SLC25A26: variants seen among roughly 807,000 people sequenced by gnomAD.
The protein encoded by SLC25A26 is solute carrier family 25 member 26.
SLC25A26 carries 36 observed loss-of-function variants against 37.8 expected under a neutral mutation model. That is an observed-to-expected ratio of 0.95 (90% confidence interval 0.73 to 1.26). SLC25A26 has a LOEUF of 1.26. Among genes scored for constraint, SLC25A26 ranks in the 50% most tolerant of loss-of-function variants. The probability of loss-of-function intolerance (pLI) is 0.00; values close to 1 mark genes in which losing one functional copy is unlikely to be tolerated. For missense variants in SLC25A26, 390 were observed against 331.1 expected (o/e 1.18, Z -1.38); for synonymous variants, 129 against 122.5 (o/e 1.05, Z -0.35).
intron 1 of SLC25A26, among the ~76,000 whole-genome samples, chr3:66,153,895 T>C (rs568834919): frequency 2.0e-5 from 3 of 152,316 alleles, no homozygotes; most frequent in African/African-American, 4.8e-5. Context: ...GGGGGTTTTA[T>C]TGACATTCGT....
In SLC25A26 at chr3:66,378,329, C is replaced by CTCTT. The variant is rs1700802668; in HGVS notation, c.*526_*529dup. 1 of 152,844 alleles carries CTCTT rather than the reference C, an allele frequency of 6.5e-6. No individual in the cohort carries two copies. The allele number at this position is 152,844 out of a possible 1,614,324, so 9.5% of individuals were successfully genotyped here. On this transcript the variant is annotated 3_prime_UTR_variant, in exon 10 of 10. Transcript: ENST00000354883. ...TTGAACTACAGGTGCATAGCAAGCA[C>CTCTT]TCTTTCTGGGTAACTAGGCTGCTGG...
At chr3:66,292,202 T>C (rs925116522) in intron 5 of SLC25A26, among the ~76,000 whole-genome samples, 5 of 152,174 alleles carry the variant, frequency 3.3e-5, no homozygotes, top group African/African-American at 1.2e-4. Flanking sequence ...TCTTTGCACA[T>C]GAGATGGGCC....
chr3:66,207,986 A>C (rs1254640114), intron 1 of SLC25A26, among the ~76,000 whole-genome samples: 2 of 152,216 alleles, frequency 1.3e-5, no homozygotes, highest in African/African-American at 4.8e-5. Context: ...GCACTTATGC[A>C]AGCACAGTGT....
chr3:66,162,061 CT>C (rs1269937498), intron 1 of SLC25A26, among the ~76,000 whole-genome samples: 2 of 152,146 alleles, frequency 1.3e-5, no homozygotes, highest in East Asian at 3.9e-4. Context: ...GTTCTGGAGC[CT>C]AGAAGTCGGA....
chr3:66,178,560 T>A (rs2070634147), intron 1 of SLC25A26, among the ~76,000 whole-genome samples: 3 of 152,162 alleles, frequency 2.0e-5, no homozygotes, highest in Admixed American at 2.0e-4. Flanking sequence ...TCACTCTTAC[T>A]TTCTGGGTTC....
At chr3:66,275,884 T>G (rs74559441) in intron 5 of SLC25A26, among the ~76,000 whole-genome samples, 5,516 of 152,182 alleles carry the variant, frequency 0.036, 345 homozygotes, top group African/African-American at 0.12. Flanking sequence ...GTGCGAATTA[T>G]CTCCAGTGAA....
chr3:66,294,474 T>C (rs77221569), intron 5 of SLC25A26, among the ~76,000 whole-genome samples: 1,716 of 152,300 alleles, frequency 0.011, 38 homozygotes, highest in African/African-American at 0.039. Context: ...GTTTTTAACA[T>C]GAAGTGGTGT....
At chr3:66,135,421 C>T (rs1309254964) in intron 1 of SLC25A26, among the ~76,000 whole-genome samples, 1 of 152,096 alleles carries the variant, frequency 6.6e-6, no homozygotes. Context: ...TAGTTAATCA[C>T]AGTATTACAG....
At chr3:66,148,294 A>T (rs562454665) in intron 1 of SLC25A26, among the ~76,000 whole-genome samples, 1 of 152,314 alleles carries the variant, frequency 6.6e-6, no homozygotes, top group African/African-American at 2.4e-5. Context: ...TGTGGAGAGA[A>T]GTGAGCAGGG....
At chr3:66,289,733 A>G (rs370890729) in intron 5 of SLC25A26, among the ~76,000 whole-genome samples, 1 of 152,128 alleles carries the variant, frequency 6.6e-6, no homozygotes, top group Non-Finnish European at 1.5e-5. Flanking sequence ...CTTGTAGTAT[A>G]GTTTGAAGTC....
intron 1 of SLC25A26, among the ~76,000 whole-genome samples, chr3:66,145,287 C>T (rs184481718): frequency 5.9e-5 from 9 of 152,150 alleles, no homozygotes; most frequent in African/African-American, 1.9e-4. Flanking sequence ...TGAATGTTCC[C>T]AGTCGTTCTG....
chr3:66,284,965 T>C (rs1204244359), intron 5 of SLC25A26, among the ~76,000 whole-genome samples: 2 of 152,150 alleles, frequency 1.3e-5, no homozygotes, highest in East Asian at 3.9e-4. Context: ...TATATGGTTT[T>C]GGAGTACAAA....
intron 5 of SLC25A26, among the ~76,000 whole-genome samples, chr3:66,344,645 G>A (rs1022210527): frequency 1.3e-5 from 2 of 152,258 alleles, no homozygotes; most frequent in Admixed American, 1.3e-4. Flanking sequence ...CCCGTGGCGT[G>A]TGCGTGTTCG....
intron 5 of SLC25A26, among the ~76,000 whole-genome samples, chr3:66,289,480 A>T (rs2074630805): frequency 6.6e-6 from 1 of 152,212 alleles, no homozygotes; most frequent in South Asian, 2.1e-4. Flanking sequence ...TCTTTAACCC[A>T]TCTTGAGTTA....
intron 1 of SLC25A26, among the ~76,000 whole-genome samples, chr3:66,230,062 G>C (rs2071939527): frequency 6.6e-6 from 1 of 152,206 alleles, no homozygotes; most frequent in Non-Finnish European, 1.5e-5. Flanking sequence ...CCACCAAGCA[G>C]TGCTTGACTG....
rs117186702 is a variant in SLC25A26 at position 66,322,788 on chromosome 3, C to T, written c.454-23576C>T. On this transcript the variant is annotated intron_variant, in intron 5 of 9. Transcript: ENST00000354883. ...TTATCAGTTGCTAGATGGACTTTTTCATTCTAGACTTCAATTATTTTGAGT... is the reference window on the plus strand; with the variant it reads ...TTATCAGTTGCTAGATGGACTTTTTTATTCTAGACTTCAATTATTTTGAGT... Among the ~76,000 whole-genome samples, 51 of 152,272 alleles carry T rather than the reference C, an allele frequency of 3.3e-4. No individual in the cohort carries two copies. The East Asian group carries it at 9.6e-3, about 29-fold the overall frequency.
At chr3:66,202,531 GAAAAAA>G (rs1177179044) in intron 1 of SLC25A26, among the ~76,000 whole-genome samples, 6 of 86,530 alleles carry the variant, frequency 6.9e-5, no homozygotes, top group South Asian at 3.8e-4. Flanking sequence ...AAAGTAAAAT[GAAAAAA>G]AAAAAAAAAA....
chr3:66,276,413 A>T (rs1009744791), intron 5 of SLC25A26, among the ~76,000 whole-genome samples: 2 of 152,084 alleles, frequency 1.3e-5, no homozygotes, highest in African/African-American at 4.8e-5. Context: ...AAATAATGTG[A>T]TGGGGGATCT....
intron 5 of SLC25A26, among the ~76,000 whole-genome samples, chr3:66,327,484 T>C (rs1282829051): frequency 6.6e-6 from 1 of 152,180 alleles, no homozygotes; most frequent in Non-Finnish European, 1.5e-5. Flanking sequence ...ACTTAAAATA[T>C]ATTTGTTAAC....
Sources: gnomAD v4.1 joint callset for allele counts (sites outside exome capture counted in the v4.1 genomes callset) on GRCh38, gnomAD v4.1.1 for gene constraint, MANE v1.5 for transcripts, NCBI Gene and HGNC (gene_info 2026-07-23, HGNC 2026-07-21) for gene names.